TRMT9B: variants seen among roughly 807,000 people sequenced by gnomAD.
TRMT9B encodes probable tRNA methyltransferase 9B.
In TRMT9B, 16 loss-of-function variants were observed where a neutral mutation model predicts 11.5. The ratio of observed to expected loss-of-function variants is 1.39; its 90% CI spans 0.94 to 2.11. TRMT9B has a LOEUF of 2.11. Ranked by LOEUF, TRMT9B falls within the 30% of genes most tolerant of loss-of-function variation. The probability of loss-of-function intolerance (pLI) is 0.00; values close to 1 mark genes in which losing one functional copy is unlikely to be tolerated. For missense variants in TRMT9B, 941 were observed against 553.8 expected (o/e 1.70, Z -7.02); for synonymous variants, 274 against 192.4 (o/e 1.42, Z -3.51).
rs1814866017 is a variant in TRMT9B at position 13,027,783 on chromosome 8, A to G, written c.*5739A>G. ...ATTATACACCCGTCCAGCAGATGGG[A>G]AAACCACGGAAGTGGGAGGGAATCA... On this transcript the variant is annotated 3_prime_UTR_variant, in exon 5 of 5. Transcript: ENST00000524591. 6.5e-6 allele frequency: 1 copy of G among 154,546 alleles called. No individual in the cohort carries two copies. Among genetic ancestry groups the G allele is most frequent in the South Asian group, 2.2e-4 (1 of 4,644 alleles). 9.6% of individuals were successfully genotyped at this position (154,546 alleles called of 1,614,324 possible).
At chr8:12,947,662 A>T (rs746983803) in intron 1 of TRMT9B, among the ~76,000 whole-genome samples, 2 of 152,250 alleles carry the variant, frequency 1.3e-5, no homozygotes, top group African/African-American at 2.4e-5. Flanking sequence ...AATGAGGATA[A>T]GTAAAATAAT....
At chr8:12,952,094 C>G (rs1404536921) in intron 1 of TRMT9B, 1 of 425,384 alleles carries the variant, frequency 2.4e-6, no homozygotes, top group Admixed American at 2.5e-5. Context: ...CTGGTGCAGC[C>G]CTCGGCTCTG....
intron 1 of TRMT9B, among the ~76,000 whole-genome samples, chr8:12,977,701 A>AAAAC (rs761568542): frequency 2.6e-5 from 4 of 152,038 alleles, no homozygotes; most frequent in South Asian, 2.1e-4. Context: ...CTCTGTCTCA[A>AAAAC]AAACAAACAA....
At chr8:12,972,578 G>T (rs2128869154) in intron 1 of TRMT9B, among the ~76,000 whole-genome samples, 1 of 152,276 alleles carries the variant, frequency 6.6e-6, no homozygotes, top group East Asian at 1.9e-4. Flanking sequence ...GTCCTTCCAG[G>T]CTCCCTATGG....
rs1175989151 is a variant in TRMT9B, at chr8:13,021,542, G to A, written c.863G>A (p.Arg288Lys). ...ASSTVTVQPS[R>K]HSSLDFDHQE... Reference sequence around the variant, plus strand: ...AGCACTGTAACAGTCCAGCCTTCCAGACACTCTAGTTTAGACTTTGATCAC... The same window carrying A: ...AGCACTGTAACAGTCCAGCCTTCCAAACACTCTAGTTTAGACTTTGATCAC... The change falls in exon 5 of 5, where the codon AGA (arginine) becomes AAA (lysine). Residue 288 changes from arginine (R) to lysine (K), a missense_variant. Arg to Lys is a conservative substitution (Grantham distance 26). Transcript: ENST00000524591. 3.7e-6 allele frequency: 6 copies of A among 1,613,726 alleles called. No individual in the cohort carries two copies. Among genetic ancestry groups the A allele is most frequent in the South Asian group, 3.3e-5 (3 of 91,072 alleles).
chr8:12,961,700 C>CAAAAAAAA (rs756821000), intron 1 of TRMT9B: 1 of 51,534 alleles, frequency 1.9e-5, no homozygotes, highest in South Asian at 8.2e-4. Context: ...GACTCCATCT[C>CAAAAAAAA]AAAAAAAAAA....
chr8:12,953,718 G>GAGAA (rs1800940784), intron 1 of TRMT9B, among the ~76,000 whole-genome samples: 1 of 152,186 alleles, frequency 6.6e-6, no homozygotes, highest in African/African-American at 2.4e-5. Context: ...GTAAAGAACT[G>GAGAA]TCCAGTGTTG....
At chr8:12,979,052 G>C (rs970167029) in intron 1 of TRMT9B, among the ~76,000 whole-genome samples, 14 of 152,120 alleles carry the variant, frequency 9.2e-5, no homozygotes, top group African/African-American at 3.4e-4. Context: ...TACAGACTTG[G>C]GGACACTGAG....
intron 1 of TRMT9B, among the ~76,000 whole-genome samples, chr8:12,970,952 G>C (rs1341116075): frequency 1.3e-5 from 2 of 152,134 alleles, no homozygotes; most frequent in Non-Finnish European, 2.9e-5. Flanking sequence ...AAGAGGAGAG[G>C]CACTTTAGAA....
intron 3 of TRMT9B, chr8:13,012,097 C>T (rs1585365133): frequency 2.0e-6 from 2 of 985,228 alleles, no homozygotes; most frequent in African/African-American, 1.7e-5. Flanking sequence ...AGCTAACGTG[C>T]CTTGGTTGCG....
At chr8:12,963,306 G>C (rs868741153) in intron 1 of TRMT9B, among the ~76,000 whole-genome samples, 1 of 152,030 alleles carries the variant, frequency 6.6e-6, no homozygotes, top group South Asian at 2.1e-4. Flanking sequence ...GGTGGCATGC[G>C]TCTGTAATCC....
rs116622540 is a variant in TRMT9B at position 12,971,384 on chromosome 8, G to A, written c.-199-19450G>A. 4.6e-3 allele frequency among the ~76,000 whole-genome samples: 695 copies of A among 152,218 alleles called. 4 individuals are homozygous for A. Among genetic ancestry groups the A allele is most frequent in the African/African-American group, 0.016 (663 of 41,528 alleles). ...CGGCGGGCCTGGGCCTGTGACCTCA[G>A]GGTTCTCCCGGTACAGCATTTTTTC... On this transcript the variant is annotated intron_variant, in intron 1 of 4. Transcript: ENST00000524591.
At chr8:12,971,782 A>G (rs1218167878) in intron 1 of TRMT9B, among the ~76,000 whole-genome samples, 1 of 152,250 alleles carries the variant, frequency 6.6e-6, no homozygotes. Context: ...TTTACATATT[A>G]TAAGCATATT....
chr8:13,010,812 G>C (rs114672627), intron 3 of TRMT9B: 1 of 982,608 alleles, frequency 1.0e-6, no homozygotes, highest in Admixed American at 6.2e-5. Context: ...AAATACACAG[G>C]ATTTTAATTT....
intron 3 of TRMT9B, chr8:13,010,865 A>C (rs147847354): frequency 2.6e-5 from 25 of 978,132 alleles, no homozygotes; most frequent in Non-Finnish European, 3.0e-5. Flanking sequence ...ATTGCCTTCA[A>C]ACAGAGGGTA....
chr8:12,983,469 A>C (rs187626658), intron 1 of TRMT9B, among the ~76,000 whole-genome samples: 31 of 152,278 alleles, frequency 2.0e-4, no homozygotes, highest in African/African-American at 7.5e-4. Context: ...CAGGAGTTTG[A>C]GACCAGCCTG....
intron 2 of TRMT9B, among the ~76,000 whole-genome samples, chr8:12,993,525 C>G (rs1159728418): frequency 6.6e-6 from 1 of 152,096 alleles, no homozygotes; most frequent in Non-Finnish European, 1.5e-5. Context: ...GTGGGGGGTG[C>G]AGAGACAGCA....
At chr8:12,967,358 G>GA (rs1802957909) in intron 1 of TRMT9B, among the ~76,000 whole-genome samples, 1 of 152,208 alleles carries the variant, frequency 6.6e-6, no homozygotes, top group Non-Finnish European at 1.5e-5. Context: ...TATAGGTCTA[G>GA]AAAAATCCTT....
At position 13,022,721 on chromosome 8, in the gene TRMT9B, G is replaced by C. The variant is rs1159923905; in HGVS notation, c.*677G>C. ...TAAAGGCACTGTTAGGCTGAGCATGGTGGCTCATGCCTGTAATCCCAGCAC... is the reference window on the plus strand; with the variant it reads ...TAAAGGCACTGTTAGGCTGAGCATGCTGGCTCATGCCTGTAATCCCAGCAC... On this transcript the variant is annotated 3_prime_UTR_variant, in exon 5 of 5. Coordinates refer to ENST00000524591, the MANE Select transcript of TRMT9B (RefSeq NM_020844.3). The C allele has an allele frequency of 1.2e-5, 2 of 167,106 alleles. No individual in the cohort carries two copies. Among genetic ancestry groups the C allele is most frequent in the African/African-American group, 4.8e-5 (2 of 41,460 alleles). 10.4% of individuals were successfully genotyped at this position (167,106 alleles called of 1,614,324 possible).
Sources: gnomAD v4.1 joint callset for allele counts (sites outside exome capture counted in the v4.1 genomes callset) on GRCh38, gnomAD v4.1.1 for gene constraint, MANE v1.5 for transcripts, NCBI Gene and HGNC (gene_info 2026-07-23, HGNC 2026-07-21) for gene names.